Variants in SMARCA2 observed in about 807,000 individuals in gnomAD.
The protein encoded by SMARCA2 is SWI/SNF related BAF chromatin remodeling complex subunit ATPase 2.
A neutral mutation model predicts 199.8 loss-of-function variants in SMARCA2; 61 were observed. The ratio of observed to expected loss-of-function variants is 0.31; its 90% CI spans 0.25 to 0.38. The LOEUF (loss-of-function observed/expected upper bound fraction) is 0.38. Ranked by LOEUF, SMARCA2 falls within the 10% of genes least tolerant of loss-of-function variation. SMARCA2 has a pLI of 1.00. For missense variants in SMARCA2, 1,344 were observed against 2,012.2 expected (o/e 0.67, Z 6.35); for synonymous variants, 935 against 732.0 (o/e 1.28, Z -4.48).
At chr9:2,158,883 C>A in intron 27 of SMARCA2, 1 of 1,549,260 alleles carries the variant, frequency 6.5e-7, no homozygotes, top group Non-Finnish European at 8.8e-7. Flanking sequence ...ACATAAAGCA[C>A]TGCATATGGA....
At chr9:2,124,863 AGAAAGGCAC>A (rs1340466066) in intron 27 of SMARCA2, among the ~76,000 whole-genome samples, 1 of 152,196 alleles carries the variant, frequency 6.6e-6, no homozygotes, top group Non-Finnish European at 1.5e-5. Context: ...CTTAGTACCT[AGAAAGGCAC>A]AGCAACCTGG....
chr9:2,020,242 A>G (rs1818541078), intron 1 of SMARCA2, among the ~76,000 whole-genome samples: 1 of 152,120 alleles, frequency 6.6e-6, no homozygotes, highest in Non-Finnish European at 1.5e-5. Flanking sequence ...ATGTAAAAGA[A>G]TTATCTTCTA....
In SMARCA2 at chr9:2,029,065, C is replaced by T; in HGVS notation, c.43C>T (p.Pro15Ser). The T allele has an allele frequency of 2.6e-6, 4 of 1,560,386 alleles. No homozygotes were observed. The highest frequency in any genetic ancestry group is 3.5e-6 in the Non-Finnish European group (4 of 1,151,322). Residue 15 changes from proline (P) to serine (S), a missense_variant, in exon 2 of 34, where the codon CCT (proline) becomes TCT (serine). Physicochemically the swap from Pro to Ser is moderately conservative, Grantham distance 74. Around this residue, in one of 18 missense-constraint regions of SMARCA2, gnomAD observed 275 missense variants for 247.5 expected, o/e 1.11. Coordinates refer to ENST00000349721, the MANE Select transcript of SMARCA2 (RefSeq NM_003070.5). The part of the protein sequence containing the change: ...TDPGAMPHPG[P>S]SPGPGPSPGP... The stretch of plus-strand genomic sequence containing the variant: ...CCCTGGTGCGATGCCCCACCCAGGG[C>T]CTTCGCCGGGGCCTGGGCCTTCCCC...
intron 9 of SMARCA2, among the ~76,000 whole-genome samples, chr9:2,069,494 G>A (rs1042657575): frequency 4.6e-5 from 7 of 151,402 alleles, no homozygotes; most frequent in Non-Finnish European, 7.4e-5. Context: ...GGGAGGCGGA[G>A]CTTGCAGTGA....
At chr9:2,028,430 T>G (rs923413565) in intron 1 of SMARCA2, among the ~76,000 whole-genome samples, 5 of 152,254 alleles carry the variant, frequency 3.3e-5, no homozygotes, top group African/African-American at 1.2e-4. Context: ...TGAACCCATA[T>G]TTGTCTGATT....
intron 3 of SMARCA2, among the ~76,000 whole-genome samples, chr9:2,036,831 A>G (rs1819355618): frequency 1.3e-5 from 2 of 152,068 alleles, no homozygotes; most frequent in Admixed American, 6.6e-5. Flanking sequence ...TAACTGTCTC[A>G]CCTTCATAAT....
chr9:2,029,429 A>G (rs377185905), intron 2 of SMARCA2, among the ~76,000 whole-genome samples, 182 bp downstream of exon 2: 4 of 152,374 alleles, frequency 2.6e-5, no homozygotes, highest in African/African-American at 9.6e-5. Context: ...CAGATGTTGC[A>G]TCAGTTATGA....
chr9:2,054,829 T>G, intron 6 of SMARCA2, 106 bp downstream of exon 6: 2 of 1,155,312 alleles, frequency 1.7e-6, no homozygotes, highest in South Asian at 3.1e-5. Flanking sequence ...TACAAAGATA[T>G]AAAGATATAA....
chr9:2,042,306 C>A (rs1819640685), intron 4 of SMARCA2: 1 of 152,196 alleles, frequency 6.6e-6, no homozygotes, highest in Admixed American at 6.5e-5. Flanking sequence ...AGAACTTGAA[C>A]TCCCAAAAGG....
intron 32 of SMARCA2, among the ~76,000 whole-genome samples, chr9:2,189,799 T>G (rs543638239): frequency 1.1e-4 from 16 of 152,314 alleles, no homozygotes; most frequent in African/African-American, 3.8e-4. Context: ...ACACTTGAGT[T>G]CATAACAGCA....
chr9:2,170,407 A>G lies in SMARCA2; in HGVS notation c.4200-12A>G, dbSNP rs555426730. 24 of 1,613,850 alleles carry G rather than the reference A, an allele frequency of 1.5e-5. No individual in the cohort carries two copies. Among genetic ancestry groups the G allele is most frequent in the East Asian group, 1.3e-4 (6 of 44,856 alleles). On this transcript the variant is annotated splice_polypyrimidine_tract_variant and intron_variant, in intron 28 of 33. Coordinates refer to ENST00000349721, the MANE Select transcript of SMARCA2 (RefSeq NM_003070.5). The surrounding 1 kb of genome is among the most constrained non-coding windows in gnomAD (Gnocchi z 4.7). ...GTCTTCTGACTCTAGTGTTCTTTCT[A>G]CTCTACCGCAGGTGTAACGTGGAGA...
Position 2,110,143 on chromosome 9 carries a change from T to G in SMARCA2, c.3293-111T>G. 1 of 721,260 alleles carries G rather than the reference T, an allele frequency of 1.4e-6. No homozygotes were observed. The highest frequency in any genetic ancestry group is 2.2e-6 in the Non-Finnish European group (1 of 452,588). The allele number at this position is 721,260 out of a possible 1,614,324, so 44.7% of individuals were successfully genotyped here. ...AAAGCCCTGGAAATTACCTCACCAG[T>G]GTTAGGAGGAGTCTGGGTATATTTC... On this transcript the variant is annotated intron_variant, in intron 23 of 33. Transcript: ENST00000349721. The surrounding 1 kb of genome is among the most constrained non-coding windows in gnomAD (Gnocchi z 4.8).
At chr9:2,145,880 G>T (rs1013481139) in intron 27 of SMARCA2, among the ~76,000 whole-genome samples, 7 of 152,226 alleles carry the variant, frequency 4.6e-5, no homozygotes, top group Non-Finnish European at 1.0e-4. Context: ...AGTGGAATGG[G>T]AGTTGATCAC....
intron 2 of SMARCA2, 198 bp from the exon 3 acceptor site, chr9:2,032,754 C>G: frequency 2.3e-6 from 1 of 437,692 alleles, no homozygotes; most frequent in Non-Finnish European, 4.0e-6. Flanking sequence ...AAAAACAACC[C>G]TCCACTGTTT....
chr9:2,123,176 C>A lies in SMARCA2; in HGVS notation c.3763-543C>A, dbSNP rs1823540730. Among the ~76,000 whole-genome samples, 1 of 152,162 alleles carries A rather than the reference C, an allele frequency of 6.6e-6. No individual in the cohort carries two copies. The highest frequency in any genetic ancestry group is 1.5e-5 in the Non-Finnish European group (1 of 68,024). ...ATTCATGGCCAATGGACCAGTGAAACCATTTATGTCTCTTCCACATGTCCA... is the reference window on the plus strand; with the variant it reads ...ATTCATGGCCAATGGACCAGTGAAAACATTTATGTCTCTTCCACATGTCCA... On this transcript the variant is annotated intron_variant, in intron 26 of 33. Coordinates refer to ENST00000349721, the MANE Select transcript of SMARCA2 (RefSeq NM_003070.5). The surrounding 1 kb of genome is among the most constrained non-coding windows in gnomAD (Gnocchi z 4.1).
At chr9:2,108,814 C>G (rs911201754) in intron 23 of SMARCA2, among the ~76,000 whole-genome samples, 1 of 152,200 alleles carries the variant, frequency 6.6e-6, no homozygotes, top group South Asian at 2.1e-4. Flanking sequence ...TGAAAGCTCA[C>G]TCATCAAAGC....
intron 19 of SMARCA2, among the ~76,000 whole-genome samples, chr9:2,092,117 AT>A: frequency 6.6e-6 from 1 of 152,228 alleles, no homozygotes; most frequent in East Asian, 1.9e-4. Flanking sequence ...ATAAAAATTG[AT>A]TTTTCTATTT....
intron 9 of SMARCA2, among the ~76,000 whole-genome samples, chr9:2,067,621 C>G (rs775520389): frequency 4.6e-5 from 7 of 152,098 alleles, no homozygotes; most frequent in Non-Finnish European, 1.0e-4. Context: ...CTATTTTATG[C>G]AAGAGGGAAC....
intron 31 of SMARCA2, among the ~76,000 whole-genome samples, chr9:2,185,339 A>G (rs140635828): frequency 1.3e-5 from 2 of 152,350 alleles, no homozygotes; most frequent in Non-Finnish European, 2.9e-5. Flanking sequence ...CTCCAGTTAC[A>G]GGATTTCCTT....
Sources: gnomAD v4.1 joint callset for allele counts (sites outside exome capture counted in the v4.1 genomes callset) on GRCh38, gnomAD v4.1.1 for gene constraint, gnomAD v4.1.1 regional missense constraint, Gnocchi (gnomAD v3.1) non-coding constraint, MANE v1.5 for transcripts, NCBI Gene and HGNC (gene_info 2026-07-23, HGNC 2026-07-21) for gene names.